Variants in RIMS1 observed in about 807,000 individuals in gnomAD.
RIMS1 encodes regulating synaptic membrane exocytosis protein 1.
Under a neutral mutation model 214.1 loss-of-function variants are expected in RIMS1, and 83 were observed. That is an observed-to-expected ratio of 0.39 (90% CI 0.32 to 0.47). RIMS1 has a LOEUF of 0.47. RIMS1 is among the 20% of genes least tolerant of loss of function. RIMS1 has a pLI of 0.99. For synonymous variants in RIMS1, 793 were observed against 786.8 expected, an observed-to-expected ratio of 1.01 and a Z score of -0.13; for missense variants, 2,050 against 2,161.8, an observed-to-expected ratio of 0.95 and a Z score of 1.03.
At chr6:72,311,844 G>A (rs1213998450) in intron 27 of RIMS1, among the ~76,000 whole-genome samples, 8 of 152,098 alleles carry the variant, frequency 5.3e-5, no homozygotes, top group East Asian at 1.9e-4. Context: ...GGCACCGTGC[G>A]CCTGTAGTCC....
chr6:71,891,238 T>G (rs1481800464), intron 1 of RIMS1, among the ~76,000 whole-genome samples: 1 of 152,228 alleles, frequency 6.6e-6, no homozygotes, highest in African/African-American at 2.4e-5. Flanking sequence ...TAGTTCTAGT[T>G]CTGCCACTTA....
intron 2 of RIMS1, among the ~76,000 whole-genome samples, chr6:71,996,859 C>T (rs1011931435): frequency 1.3e-5 from 2 of 152,114 alleles, no homozygotes; most frequent in Non-Finnish European, 2.9e-5. Context: ...ATTAAAATTG[C>T]ACTGGATTTG....
intron 29 of RIMS1, among the ~76,000 whole-genome samples, chr6:72,347,292 G>A (rs1214350489): frequency 6.6e-6 from 1 of 151,860 alleles, no homozygotes; most frequent in African/African-American, 2.4e-5. Context: ...TGATTTCAGT[G>A]ATTGTATCCC....
chr6:71,899,681 C>G (rs891994971), intron 1 of RIMS1, among the ~76,000 whole-genome samples: 1 of 152,116 alleles, frequency 6.6e-6, no homozygotes, highest in Non-Finnish European at 1.5e-5. Context: ...TTTGCACCCA[C>G]AGCCCTTTCT....
At chr6:72,108,072 G>T (rs997055948) in intron 4 of RIMS1, among the ~76,000 whole-genome samples, 3 of 152,106 alleles carry the variant, frequency 2.0e-5, no homozygotes, top group African/African-American at 7.2e-5. Flanking sequence ...AGGCTCTAGT[G>T]CAGTGCCATG....
Position 72,251,042 on chromosome 6 carries a change from G to C in RIMS1, c.2494G>C (p.Val832Leu), listed in dbSNP as rs1271762553. Residue 832 changes from valine (V) to leucine (L), a missense_variant, in exon 14 of 34, where the codon GTG becomes CTG. Val to Leu is a conservative substitution (Grantham distance 32, BLOSUM62 1). Around this residue, in one of 6 missense-constraint regions of RIMS1, gnomAD observed 889 missense variants for 885.5 expected, o/e 1.00. Transcript: ENST00000521978. Reference sequence around the variant, plus strand: ...TAGAGAACGAATGTTAGAAATAACTGTGTGGGACCAACCAAGAGTGCAAGA... The same window carrying C: ...TAGAGAACGAATGTTAGAAATAACTCTGTGGGACCAACCAAGAGTGCAAGA... ...DFRERMLEIT[V>L]WDQPRVQEEE... 2.5e-6 allele frequency: 4 copies of C among 1,583,960 alleles called. No individual in the cohort carries two copies. Among genetic ancestry groups the C allele is most frequent in the Non-Finnish European group, 3.4e-6 (4 of 1,163,912 alleles).
intron 2 of RIMS1, among the ~76,000 whole-genome samples, chr6:72,027,242 C>T (rs1816785928): frequency 6.6e-6 from 1 of 152,098 alleles, no homozygotes; most frequent in Non-Finnish European, 1.5e-5. Context: ...GAACCCGGAA[C>T]CTGAGCCCAG....
intron 31 of RIMS1, among the ~76,000 whole-genome samples, chr6:72,396,965 A>T (rs1223576428): frequency 6.6e-6 from 1 of 152,332 alleles, no homozygotes; most frequent in East Asian, 1.9e-4. Flanking sequence ...GTGAGCCAAG[A>T]TCACACCACT....
chr6:72,167,040 T>G (rs1195577278), intron 4 of RIMS1, among the ~76,000 whole-genome samples: 1 of 152,050 alleles, frequency 6.6e-6, no homozygotes, highest in Admixed American at 6.6e-5. Context: ...TATCCTTAAA[T>G]GTACTGTTAG....
intron 1 of RIMS1, among the ~76,000 whole-genome samples, chr6:71,934,752 C>G (rs1784002733): frequency 6.6e-6 from 1 of 152,190 alleles, no homozygotes; most frequent in African/African-American, 2.4e-5. Context: ...GAATAACTCT[C>G]AAATGACACC....
chr6:72,323,226 A>T (rs566583099), intron 28 of RIMS1, among the ~76,000 whole-genome samples: 18 of 152,182 alleles, frequency 1.2e-4, no homozygotes, highest in Admixed American at 3.9e-4. Context: ...AATATCATAC[A>T]GAGCCTCCAC....
intron 16 of RIMS1, among the ~76,000 whole-genome samples, chr6:72,257,867 T>TGAGG (rs1207247473): frequency 1.9e-4 from 29 of 152,320 alleles, no homozygotes; most frequent in African/African-American, 6.3e-4. Flanking sequence ...TCGTAATGTC[T>TGAGG]GAGGCATCAA....
At chr6:72,053,374 A>C (rs1825259294) in intron 2 of RIMS1, among the ~76,000 whole-genome samples, 1 of 152,216 alleles carries the variant, frequency 6.6e-6, no homozygotes, top group Non-Finnish European at 1.5e-5. Flanking sequence ...AAAACAGAGA[A>C]TCAGTAGACC....
chr6:72,080,872 A>G (rs78215055), intron 2 of RIMS1, among the ~76,000 whole-genome samples: 1,764 of 152,360 alleles, frequency 0.012, 11 homozygotes, highest in Non-Finnish European at 0.018. Flanking sequence ...GGAAATCAGT[A>G]GTAACAAAAC....
rs762416777 is a variant in RIMS1 at position 72,097,079 on chromosome 6, G to A, written c.376G>A (p.Asp126Asn). The A allele has an allele frequency of 6.2e-7, 1 of 1,614,020 alleles. No individual in the cohort carries two copies. Among genetic ancestry groups the A allele is most frequent in the Admixed American group, 1.7e-5 (1 of 60,018 alleles). ...CGICHKTKFA[D>N]GCGHLCSYCR... is the part of the protein sequence containing the mutation. ...AATCTGTCATAAAACAAAGTTTGCTGATGGGTGCGGTCATCTCTGCTCCTA... is the reference window on the plus strand; with the variant it reads ...AATCTGTCATAAAACAAAGTTTGCTAATGGGTGCGGTCATCTCTGCTCCTA... Residue 126 changes from aspartate to asparagine, a missense_variant, in exon 3 of 34, where the codon GAT becomes AAT. Around this residue, in one of 6 missense-constraint regions of RIMS1, gnomAD observed 882 missense variants for 828.9 expected, o/e 1.06. Coordinates refer to ENST00000521978, the MANE Select transcript of RIMS1 (RefSeq NM_014989.7).
intron 2 of RIMS1, among the ~76,000 whole-genome samples, chr6:72,088,973 G>A (rs1835433687): frequency 6.6e-6 from 1 of 151,690 alleles, no homozygotes; most frequent in African/African-American, 2.4e-5. Context: ...AGGGAGGGGA[G>A]AGAGATAAAA....
intron 2 of RIMS1, among the ~76,000 whole-genome samples, chr6:72,026,627 A>G (rs1040117263): frequency 6.6e-6 from 1 of 152,102 alleles, no homozygotes; most frequent in Admixed American, 6.6e-5. Context: ...ATGTTCTACC[A>G]TTCCTTTCTT....
At chr6:72,103,438 C>T (rs746763853) in intron 4 of RIMS1, among the ~76,000 whole-genome samples, 17 of 152,012 alleles carry the variant, frequency 1.1e-4, no homozygotes, top group Non-Finnish European at 1.2e-4. Flanking sequence ...TTGTACCTTC[C>T]TGCATCATCT....
chr6:72,007,322 G>A (rs1199617011), intron 2 of RIMS1, among the ~76,000 whole-genome samples: 1 of 152,156 alleles, frequency 6.6e-6, no homozygotes, highest in Non-Finnish European at 1.5e-5. Flanking sequence ...AATCCCATCT[G>A]TACATCACCA....
Sources: gnomAD v4.1 joint callset for allele counts (sites outside exome capture counted in the v4.1 genomes callset) on GRCh38, gnomAD v4.1.1 for gene constraint, gnomAD v4.1.1 regional missense constraint, MANE v1.5 for transcripts, NCBI Gene and HGNC (gene_info 2026-07-23, HGNC 2026-07-21) for gene names.